ASMTL: variants seen among roughly 807,000 people sequenced by gnomAD.
ASMTL encodes probable bifunctional dTTP/UTP pyrophosphatase/methyltransferase protein.
In ASMTL, 57 loss-of-function variants were observed where a neutral mutation model predicts 60.3. The observed-to-expected ratio is 0.95, with a 90% CI of 0.76 to 1.18. The LOEUF (loss-of-function observed/expected upper bound fraction) is 1.18. ASMTL is among the 50% of genes most tolerant of loss of function. The pLI is 0.00. For missense variants in ASMTL, 981 were observed against 852.6 expected (o/e 1.15, Z -1.88); for synonymous variants, 419 against 373.0 (o/e 1.12, Z -1.42).
chrX:1,453,343 G>T (rs1330422463), upstream of ASMTL, among the ~76,000 whole-genome samples: 1 of 69,456 alleles, frequency 1.4e-5, no homozygotes, highest in Non-Finnish European at 3.3e-5. Flanking sequence ...CCACACCCCC[G>T]CCCGCCTCCC....
intron 9 of ASMTL, among the ~76,000 whole-genome samples, chrX:1,420,821 T>C (rs1392024110): frequency 6.6e-6 from 1 of 152,108 alleles, no homozygotes; most frequent in African/African-American, 2.4e-5. Context: ...TCAGACAGAG[T>C]CTTGTTCTGT....
chrX:1,418,898 C>A lies in ASMTL; in HGVS notation c.1378+84G>T, dbSNP rs1156355929. 6 of 1,546,766 alleles carry A rather than the reference C, an allele frequency of 3.9e-6. No homozygotes were observed. The African/African-American group carries it at 8.1e-5, about 21-fold the overall frequency. Reference sequence around the variant, plus strand: ...TATCAGGTTTGTCAATGGAAAAAGGCAGTTGGTAGGTGTCCTGAGCAGGGA... The same window carrying A: ...TATCAGGTTTGTCAATGGAAAAAGGAAGTTGGTAGGTGTCCTGAGCAGGGA... On this transcript the variant is annotated intron_variant, in intron 10 of 12. Transcript: ENST00000381317.
At chrX:1,420,662 G>A (rs1200724454) in intron 9 of ASMTL, among the ~76,000 whole-genome samples, 11 of 152,232 alleles carry the variant, frequency 7.2e-5, no homozygotes. Context: ...AAGGTTCTGG[G>A]CGGGGAAAGG....
chrX:1,435,476 G>C (rs1208433268), intron 4 of ASMTL: 1 of 632,278 alleles, frequency 1.6e-6, no homozygotes, highest in Non-Finnish European at 2.9e-6. Context: ...GTGGGCATGA[G>C]ACATTCTGGG....
intron 6 of ASMTL, among the ~76,000 whole-genome samples, chrX:1,428,954 T>TGGC (rs1299350136): frequency 6.6e-6 from 1 of 151,440 alleles, no homozygotes; most frequent in Non-Finnish European, 1.5e-5. Flanking sequence ...TGGAGTGCAG[T>TGGC]GGCGCGATCT....
chrX:1,431,987 GAACTCC>G, intron 6 of ASMTL: 1 of 485,270 alleles, frequency 2.1e-6, no homozygotes, highest in Non-Finnish European at 3.7e-6. Context: ...CCCACCACGT[GAACTCC>G]TCTACCCCTG....
intron 12 of ASMTL, among the ~76,000 whole-genome samples, chrX:1,412,321 G>A (rs1214950266): frequency 4.0e-5 from 6 of 151,794 alleles, no homozygotes; most frequent in Admixed American, 1.3e-4. Flanking sequence ...TCCAGCTCCC[G>A]GGTTCAAGTG....
At chrX:1,450,755 A>AG (rs1220342762) in intron 1 of ASMTL, among the ~76,000 whole-genome samples, 1 of 111,216 alleles carries the variant, frequency 9.0e-6, no homozygotes, top group Non-Finnish European at 1.8e-5. Flanking sequence ...CCCCATCCCT[A>AG]GGGTTCCCGG....
At chrX:1,453,224 G>A (rs1472389091), upstream of ASMTL, among the ~76,000 whole-genome samples, 7 of 128,418 alleles carry the variant, frequency 5.5e-5, no homozygotes, top group African/African-American at 1.2e-4. Flanking sequence ...ATGTCACGCC[G>A]CCATTGACCG....
chrX:1,439,013 G>T, intron 3 of ASMTL, 84 bp downstream of exon 3: 1 of 1,431,712 alleles, frequency 7.0e-7, no homozygotes, highest in Non-Finnish European at 9.9e-7. Context: ...TAAGGGGAAT[G>T]TACAACATCC....
chrX:1,416,998 T>A (rs1239141600), intron 11 of ASMTL, among the ~76,000 whole-genome samples: 1 of 116,412 alleles, frequency 8.6e-6, no homozygotes, highest in Non-Finnish European at 1.9e-5. Context: ...CACACAGAGA[T>A]GTGCACACAC....
chrX:1,439,836 CA>C (rs757028869), intron 2 of ASMTL, among the ~76,000 whole-genome samples: 16,460 of 82,016 alleles, frequency 0.2, 856 homozygotes, highest in Middle Eastern at 0.28. Context: ...ACTCAGTCTC[CA>C]AAAAAAAAAA....
At chrX:1,440,934 C>T (rs2091094070) in intron 2 of ASMTL, among the ~76,000 whole-genome samples, 1 of 151,908 alleles carries the variant, frequency 6.6e-6, no homozygotes, top group South Asian at 2.1e-4. Flanking sequence ...AATTCTATAT[C>T]GTAACTGATA....
intron 9 of ASMTL, among the ~76,000 whole-genome samples, chrX:1,420,279 CTTTCTGTCTCCCTG>C (rs1175423747): frequency 1.9e-4 from 28 of 146,270 alleles, no homozygotes; most frequent in East Asian, 4.0e-4. Context: ...CTGTCTCTGT[CTTTCTGTCTCCCTG>C]TTTCTGTCTC....
chrX:1,433,849 C>G (rs1224050079), intron 5 of ASMTL, among the ~76,000 whole-genome samples: 1 of 152,124 alleles, frequency 6.6e-6, no homozygotes, highest in Non-Finnish European at 1.5e-5. Context: ...TCCTGACCTG[C>G]TCCTTCATAA....
intron 8 of ASMTL, among the ~76,000 whole-genome samples, chrX:1,424,506 A>C (rs1159285379): frequency 1.3e-5 from 2 of 150,372 alleles, no homozygotes; most frequent in Admixed American, 6.7e-5. Context: ...TCATCCATCT[A>C]TCCACACATC....
rs757549236 is a variant in ASMTL, at chrX:1,421,691, C to T, written c.1212G>A (p.Arg404=). The T allele has an allele frequency of 6.2e-7, 1 of 1,613,864 alleles. No homozygotes were observed. The highest frequency in any genetic ancestry group is 1.7e-5 in the Admixed American group (1 of 59,996). Residue 404 remains arginine (R), a synonymous_variant, in exon 9 of 13, where the codon AGG becomes AGA. Transcript: ENST00000381317. Reference sequence around the variant, plus strand: ...GATCTTCCGCCTTCTTCCCCAACGCCCTGTGGTGCTGGTTTGTTCCCTCTC... The same window carrying T: ...GATCTTCCGCCTTCTTCCCCAACGCTCTGTGGTGCTGGTTTGTTCCCTCTC... ...AIREGTNQHH[R]ALGKKAEDLF...
Position 1,419,171 on chromosome X carries a change from G to A in ASMTL, c.1246-57C>T, listed in dbSNP as rs187458857. On this transcript the variant is annotated intron_variant, in intron 9 of 12. Coordinates refer to ENST00000381317, the MANE Select transcript of ASMTL (RefSeq NM_004192.4). Reference sequence around the variant, plus strand: ...AGAACACGGGGCGAGGGCTCGCCCAGCCTCTCCCTGGGGGTCGGGGGGAGA... The same window carrying A: ...AGAACACGGGGCGAGGGCTCGCCCAACCTCTCCCTGGGGGTCGGGGGGAGA... 66 of 1,591,728 alleles carry A rather than the reference G, an allele frequency of 4.1e-5. No individual in the cohort carries two copies. The African/African-American group carries it at 5.5e-4, about 13-fold the overall frequency.
At chrX:1,410,911 C>T (rs1250158492) in intron 12 of ASMTL, among the ~76,000 whole-genome samples, 1 of 149,878 alleles carries the variant, frequency 6.7e-6, no homozygotes, top group Non-Finnish European at 1.5e-5. Context: ...TAGAGCCGGG[C>T]GAGGTGGCTC....
Sources: gnomAD v4.1 joint callset for allele counts (sites outside exome capture counted in the v4.1 genomes callset) on GRCh38, gnomAD v4.1.1 for gene constraint, MANE v1.5 for transcripts, NCBI Gene and HGNC (gene_info 2026-07-23, HGNC 2026-07-21) for gene names.